The following NCF2 variants were observed in gnomAD, a reference collection of about 807,000 sequenced individuals.
NCF2 encodes the protein neutrophil cytosol factor 2.
In NCF2, 45 loss-of-function variants were observed where a neutral mutation model predicts 70.9. The observed-to-expected ratio is 0.63, with a 90% CI of 0.50 to 0.81. The LOEUF is 0.81. Among genes scored for constraint, NCF2 ranks in the 40% least tolerant of loss-of-function variants. NCF2 has a pLI of 0.00. For synonymous variants in NCF2, 203 were observed against 233.6 expected (o/e 0.87, Z 1.19); for missense variants, 522 against 631.6 (o/e 0.83, Z 1.86).
chr1:183,561,641 C>CT (rs71924876), intron 13 of NCF2, among the ~76,000 whole-genome samples: 26,793 of 146,692 alleles, frequency 0.18, 2,910 homozygotes, highest in African/African-American at 0.32. Flanking sequence ...CTTTTCTTTT[C>CT]TTTTTTTTTT....
intron 8 of NCF2, 43 bp from the exon 9 acceptor site, chr1:183,567,031 T>C: frequency 6.2e-7 from 1 of 1,613,134 alleles, no homozygotes; most frequent in East Asian, 2.2e-5. Flanking sequence ...AAAATAAAGA[T>C]GTGCTCATCA....
At chr1:183,599,456 T>TTCTTTC in the NCF2 span, among the ~76,000 whole-genome samples, 4 of 137,478 alleles carry the variant, frequency 2.9e-5, no homozygotes, top group Non-Finnish European at 4.7e-5. Flanking sequence ...CTTTCTTTCT[T>TTCTTTC]TCTTTCTTTC....
rs1274840754 is a variant in NCF2, at chr1:183,584,838, AT to A, written c.257+2056del. Among the ~76,000 whole-genome samples the A allele has an allele frequency of 2.0e-5, 3 of 152,084 alleles. No individual in the cohort carries two copies. In the East Asian group the frequency reaches 5.8e-4, roughly 29 times the overall value. Reference sequence around the variant, plus strand: ...AACACCTGCTGTACCAAAATATCTCATGTGTCCCATAAATATATACACCTAC... The same window carrying A: ...AACACCTGCTGTACCAAAATATCTCAGTGTCCCATAAATATATACACCTAC... On this transcript the variant is annotated intron_variant, in intron 2 of 14. Coordinates refer to ENST00000367535, the MANE Select transcript of NCF2 (RefSeq NM_000433.4).
intron 14 of NCF2, among the ~76,000 whole-genome samples, chr1:183,557,126 TAAGGAA>T (rs1223240494): frequency 6.6e-6 from 1 of 152,194 alleles, no homozygotes; most frequent in African/African-American, 2.4e-5. Flanking sequence ...CATATTTTAC[TAAGGAA>T]AAGGAGACCC....
intron 9 of NCF2, 74 bp downstream of exon 9, chr1:183,566,846 A>T (rs1418680425): frequency 1.9e-6 from 3 of 1,582,906 alleles, no homozygotes; most frequent in Non-Finnish European, 2.6e-6. Context: ...CCTCTTTTAC[A>T]CTGCTTTTCT....
Position 183,556,094 on chromosome 1 carries a change from C to T in NCF2, c.*24G>A. ...ACAAGTAATAGGGCTTCATTTTCTT[C>T]AGCTTTGTAGTTTGTGAAACATCCT... On this transcript the variant is annotated 3_prime_UTR_variant, in exon 15 of 15. Coordinates refer to ENST00000367535, the MANE Select transcript of NCF2 (RefSeq NM_000433.4). 1.3e-6 allele frequency: 2 copies of T among 1,587,202 alleles called. No homozygotes were observed. Among genetic ancestry groups the T allele is most frequent in the Non-Finnish European group, 1.7e-6 (2 of 1,155,500 alleles).
intron 14 of NCF2, among the ~76,000 whole-genome samples, chr1:183,556,719 G>C (rs1275272601): frequency 6.6e-6 from 1 of 152,072 alleles, no homozygotes; most frequent in African/African-American, 2.4e-5. Context: ...ATTAGAGACA[G>C]GATCTCGCCA....
chr1:183,556,590 G>C (rs1671793556), intron 14 of NCF2, among the ~76,000 whole-genome samples: 1 of 152,178 alleles, frequency 6.6e-6, no homozygotes, highest in South Asian at 2.1e-4. Flanking sequence ...GGAGTGCAGT[G>C]GCACAATCTG....
At chr1:183,574,665 A>G in intron 3 of NCF2, 44 bp from the exon 4 acceptor site, 2 of 1,611,002 alleles carry the variant, frequency 1.2e-6, no homozygotes, top group Non-Finnish European at 1.7e-6. Flanking sequence ...GACTACTCCA[A>G]ATCAAGGTGC....
chr1:183,570,001 G>A (rs1178858120), intron 6 of NCF2, among the ~76,000 whole-genome samples: 1 of 152,146 alleles, frequency 6.6e-6, no homozygotes, highest in Non-Finnish European at 1.5e-5. Flanking sequence ...TTCCCCTCAT[G>A]GCCTCTGGCT....
rs35153426 is a variant in NCF2 at position 183,575,252 on chromosome 1, T to C, written c.367-631A>G. On this transcript the variant is annotated intron_variant, in intron 3 of 14. Transcript: ENST00000367535. Reference sequence around the variant, plus strand: ...TGGGAGGCCAAGGCGGGTGAATCACTTGAGGTCAGGAGTTTGAGATCAGCC... The same window carrying C: ...TGGGAGGCCAAGGCGGGTGAATCACCTGAGGTCAGGAGTTTGAGATCAGCC... Among the ~76,000 whole-genome samples the C allele has an allele frequency of 5.8e-3, 882 of 152,314 alleles. 7 individuals are homozygous for C. The highest frequency in any genetic ancestry group is 0.019 in the African/African-American group (788 of 41,566).
intron 10 of NCF2, 22 bp from the exon 11 acceptor site, chr1:183,564,052 TA>T: frequency 1.2e-6 from 2 of 1,606,204 alleles, no homozygotes; most frequent in Non-Finnish European, 1.7e-6. Context: ...AAGTAGGGAG[TA>T]AAACAAAAGA....
chr1:183,600,001 G>A, the NCF2 span, among the ~76,000 whole-genome samples: 6 of 152,140 alleles, frequency 3.9e-5, no homozygotes, highest in Non-Finnish European at 7.3e-5. Context: ...ACATATTAAT[G>A]TCACCTTGTG....
At chr1:183,561,360 A>C (rs1672039402) in intron 13 of NCF2, among the ~76,000 whole-genome samples, 2 of 152,198 alleles carry the variant, frequency 1.3e-5, no homozygotes, top group Admixed American at 6.5e-5. Context: ...GAGAGTCCAC[A>C]GAGAAAGGTT....
intron 2 of NCF2, among the ~76,000 whole-genome samples, chr1:183,578,503 T>C (rs540457866): frequency 6.6e-6 from 1 of 152,244 alleles, no homozygotes; most frequent in East Asian, 1.9e-4. Flanking sequence ...GAGCTGGGAC[T>C]ACGGGCGAGC....
chr1:183,564,801 C>T (rs1276532642), intron 10 of NCF2, among the ~76,000 whole-genome samples: 2 of 152,320 alleles, frequency 1.3e-5, no homozygotes, highest in East Asian at 1.9e-4. Context: ...ATGGAATATA[C>T]ATTATATAAT....
At chr1:183,601,847 G>T in the NCF2 span, among the ~76,000 whole-genome samples, 1 of 131,626 alleles carries the variant, frequency 7.6e-6, no homozygotes, top group Non-Finnish European at 1.6e-5. Flanking sequence ...GACAGAGAGA[G>T]ATCTGTCTCA....
chr1:183,599,467 T>C, the NCF2 span, among the ~76,000 whole-genome samples: 3 of 142,624 alleles, frequency 2.1e-5, no homozygotes, highest in Non-Finnish European at 4.5e-5. Flanking sequence ...TCTTTCTTTC[T>C]TTCTTTCTTT....
At chr1:183,582,034 C>T (rs1350962266) in intron 2 of NCF2, among the ~76,000 whole-genome samples, 1 of 152,372 alleles carries the variant, frequency 6.6e-6, no homozygotes, top group South Asian at 2.1e-4. Flanking sequence ...TCGTTCCCTG[C>T]TGCAGGCCTC....
Sources: allele counts gnomAD v4.1 joint callset (sites outside exome capture counted in the v4.1 genomes callset), GRCh38; gene constraint gnomAD v4.1.1; transcripts MANE v1.5; gene names NCBI Gene and HGNC (gene_info 2026-07-23, HGNC 2026-07-21).